Variants in PTPRD observed in about 807,000 individuals in gnomAD.
PTPRD encodes the protein receptor-type tyrosine-protein phosphatase delta.
In PTPRD, 34 loss-of-function variants were observed where a neutral mutation model predicts 214.5. The observed-to-expected ratio is 0.16, with a 90% CI of 0.12 to 0.21. The LOEUF (loss-of-function observed/expected upper bound fraction) is 0.21, where lower values mean the gene tolerates loss of function less well. PTPRD is among the 10% of genes least tolerant of loss of function. The pLI, the probability that PTPRD is intolerant of heterozygous loss-of-function variation, is 1.00. For missense variants in PTPRD, 2,545 were observed against 2,398.7 expected, an observed-to-expected ratio of 1.06 and a Z score of -1.27; for synonymous variants, 1,128 against 845.7, an observed-to-expected ratio of 1.33 and a Z score of -5.79.
chr9:8,708,730 C>G (rs1445599941), intron 12 of PTPRD, among the ~76,000 whole-genome samples: 1 of 146,222 alleles, frequency 6.8e-6, no homozygotes, highest in Non-Finnish European at 1.5e-5. Context: ...ATCCAGCAAT[C>G]CCACTACTAG....
intron 5 of PTPRD, among the ~76,000 whole-genome samples, chr9:9,830,781 G>A (rs1412978373): frequency 6.6e-6 from 1 of 151,868 alleles, no homozygotes; most frequent in East Asian, 1.9e-4. Context: ...AGACTTTCAA[G>A]GCAGGTCCTT....
In PTPRD at chr9:8,702,350, C is replaced by CT. The variant is rs1206057197; in HGVS notation, c.64+31429dup. Among the ~76,000 whole-genome samples the CT allele has an allele frequency of 5.3e-5, 8 of 151,460 alleles. No individual in the cohort carries two copies. In the South Asian group the frequency reaches 1.5e-3, roughly 28 times the overall value. On this transcript the variant is annotated intron_variant, in intron 12 of 45. Coordinates refer to ENST00000381196, the MANE Select transcript of PTPRD (RefSeq NM_002839.4). ...TTTGGTGTGCCTTATCTTCTGTGGTCTTTTTTTTATACTTCTTGCTTCTCA... is the reference window on the plus strand; with the variant it reads ...TTTGGTGTGCCTTATCTTCTGTGGTCTTTTTTTTTATACTTCTTGCTTCTCA...
chr9:9,771,310 G>C (rs138565192), intron 5 of PTPRD, among the ~76,000 whole-genome samples: 1,830 of 152,164 alleles, frequency 0.012, 40 homozygotes, highest in African/African-American at 0.042. Context: ...ACATTCATAA[G>C]TGTGTGTATA....
intron 2 of PTPRD, among the ~76,000 whole-genome samples, chr9:10,535,011 T>A (rs760997204): frequency 3.9e-5 from 6 of 152,166 alleles, no homozygotes; most frequent in Non-Finnish European, 7.4e-5. Context: ...GAAATGGATG[T>A]ATGAGCTTTG....
intron 5 of PTPRD, among the ~76,000 whole-genome samples, chr9:9,912,165 G>A (rs2079379834): frequency 6.6e-6 from 1 of 151,992 alleles, no homozygotes; most frequent in Non-Finnish European, 1.5e-5. Flanking sequence ...AGAAGTAAAA[G>A]TGAAAGCAAA....
intron 5 of PTPRD, among the ~76,000 whole-genome samples, chr9:9,775,086 G>C (rs768733177): frequency 6.6e-6 from 1 of 152,158 alleles, no homozygotes; most frequent in Non-Finnish European, 1.5e-5. Flanking sequence ...CACCAGTTTG[G>C]AGAGTCGAAT....
chr9:8,593,074 G>C (rs2094232263), intron 14 of PTPRD, among the ~76,000 whole-genome samples: 1 of 152,162 alleles, frequency 6.6e-6, no homozygotes, highest in Non-Finnish European at 1.5e-5. Context: ...GGATGGCTGA[G>C]GAGAAACTAG....
chr9:9,637,692 A>C (rs1260779318), intron 7 of PTPRD, among the ~76,000 whole-genome samples: 2 of 151,904 alleles, frequency 1.3e-5, no homozygotes, highest in African/African-American at 4.8e-5. Flanking sequence ...GTGGCTCTAT[A>C]GTTCTGGGGT....
intron 9 of PTPRD, among the ~76,000 whole-genome samples, chr9:9,184,401 C>T (rs1366519117): frequency 6.6e-6 from 1 of 151,964 alleles, no homozygotes; most frequent in Non-Finnish European, 1.5e-5. Flanking sequence ...TGTTTCTTAC[C>T]TATAGGTTAA....
chr9:8,835,279 G>T (rs1049297174), intron 11 of PTPRD, among the ~76,000 whole-genome samples: 30 of 152,360 alleles, frequency 2.0e-4, no homozygotes, highest in African/African-American at 7.0e-4. Context: ...CGTGGGCACA[G>T]AGAATGGGAT....
At chr9:9,356,665 A>G (rs1209583505) in intron 9 of PTPRD, among the ~76,000 whole-genome samples, 1 of 151,500 alleles carries the variant, frequency 6.6e-6, no homozygotes, top group East Asian at 1.9e-4. Flanking sequence ...CAGAAGCTGC[A>G]TCTTGAAGAA....
intron 2 of PTPRD, among the ~76,000 whole-genome samples, chr9:10,540,834 C>T (rs1436913243): frequency 6.6e-6 from 1 of 152,072 alleles, no homozygotes; most frequent in Non-Finnish European, 1.5e-5. Flanking sequence ...TTTTTCAAAT[C>T]ATAAAACTAC....
chr9:10,389,477 G>C (rs1283850445), intron 2 of PTPRD, among the ~76,000 whole-genome samples: 1 of 151,764 alleles, frequency 6.6e-6, no homozygotes, highest in Non-Finnish European at 1.5e-5. Flanking sequence ...ACAGTAATTT[G>C]GCATCACCTG....
At chr9:9,147,881 A>T (rs1259293869) in intron 10 of PTPRD, among the ~76,000 whole-genome samples, 1 of 152,130 alleles carries the variant, frequency 6.6e-6, no homozygotes, top group Non-Finnish European at 1.5e-5. Flanking sequence ...CTATATTCAG[A>T]ATCAGAAATT....
intron 5 of PTPRD, among the ~76,000 whole-genome samples, chr9:9,779,522 A>G (rs2098826668): frequency 6.6e-6 from 1 of 152,162 alleles, no homozygotes. Context: ...AAACCAAATA[A>G]CTTTATTTAA....
intron 3 of PTPRD, among the ~76,000 whole-genome samples, chr9:10,271,229 C>A (rs890979811): frequency 6.6e-6 from 1 of 152,002 alleles, no homozygotes; most frequent in Non-Finnish European, 1.5e-5. Context: ...TTTTAAATTC[C>A]TTAAAATGTT....
intron 4 of PTPRD, among the ~76,000 whole-genome samples, chr9:9,988,964 C>T (rs186629010): frequency 2.4e-5 from 3 of 124,382 alleles, no homozygotes; most frequent in African/African-American, 9.0e-5. Flanking sequence ...AACATATGTA[C>T]TGTCAATGTC....
chr9:9,955,332 T>C (rs8181194), intron 4 of PTPRD, among the ~76,000 whole-genome samples: 59,122 of 151,938 alleles, frequency 0.39, 12,530 homozygotes, highest in African/African-American at 0.55. Context: ...GTAAAGGATA[T>C]GTACGTATTT....
At chr9:10,133,874 T>G (rs2098921762) in intron 3 of PTPRD, among the ~76,000 whole-genome samples, 1 of 152,218 alleles carries the variant, frequency 6.6e-6, no homozygotes, top group Non-Finnish European at 1.5e-5. Context: ...TTTTTTGTTG[T>G]TGGTAAAATG....
Sources: gnomAD v4.1 joint callset for allele counts (sites outside exome capture counted in the v4.1 genomes callset) on GRCh38, gnomAD v4.1.1 for gene constraint, MANE v1.5 for transcripts, NCBI Gene and HGNC (gene_info 2026-07-23, HGNC 2026-07-21) for gene names.